CERS3: variants seen among roughly 807,000 people sequenced by gnomAD.
CERS3 encodes LAG1 homolog, ceramide synthase 3.
In CERS3, 33 loss-of-function variants were observed where a neutral mutation model predicts 50.3. The ratio of observed to expected loss-of-function variants is 0.66; its 90% CI spans 0.50 to 0.88. The LOEUF (loss-of-function observed/expected upper bound fraction) is 0.88. Among genes scored for constraint, CERS3 ranks in the 40% least tolerant of loss-of-function variants. The probability of loss-of-function intolerance (pLI) is 0.00; values close to 1 mark genes in which losing one functional copy is unlikely to be tolerated. For missense variants in CERS3, 470 were observed against 460.3 expected, an observed-to-expected ratio of 1.02 and a Z score of -0.19; for synonymous variants, 176 against 155.2, an observed-to-expected ratio of 1.13 and a Z score of -0.99.
chr15:100,406,311 A>T (rs946286219), intron 11 of CERS3, among the ~76,000 whole-genome samples: 7 of 152,222 alleles, frequency 4.6e-5, no homozygotes, highest in African/African-American at 1.7e-4. Flanking sequence ...TTCTTCTCAC[A>T]TCATTTTTCA....
chr15:100,514,508 T>G (rs1489806937), intron 2 of CERS3, among the ~76,000 whole-genome samples: 1 of 152,082 alleles, frequency 6.6e-6, no homozygotes, highest in Admixed American at 6.5e-5. Context: ...AACATAAAAC[T>G]GGACACAATT....
chr15:100,481,208 G>A (rs1351096601), intron 5 of CERS3, among the ~76,000 whole-genome samples: 4 of 152,276 alleles, frequency 2.6e-5, no homozygotes, highest in African/African-American at 9.6e-5. Context: ...CTAAGAAGGA[G>A]GAAAGCTGCA....
At chr15:100,417,673 A>G (rs1482168139) in intron 11 of CERS3, among the ~76,000 whole-genome samples, 4 of 152,002 alleles carry the variant, frequency 2.6e-5, no homozygotes, top group African/African-American at 9.7e-5. Context: ...GCAGACTTAA[A>G]TGTCCCTGTC....
At chr15:100,520,627 A>G (rs565629166) in intron 2 of CERS3, among the ~76,000 whole-genome samples, 71 of 152,316 alleles carry the variant, frequency 4.7e-4, no homozygotes, top group South Asian at 8.3e-4. Context: ...CTTCACTAAA[A>G]AGCAGGCTGG....
chr15:100,479,637 C>A lies in CERS3; in HGVS notation c.466-159G>T, dbSNP rs552532842. The A allele has an allele frequency of 1.1e-5, 7 of 610,046 alleles. No homozygotes were observed. The South Asian group carries it at 1.5e-4, about 13-fold the overall frequency. 37.8% of individuals were successfully genotyped at this position (610,046 alleles called of 1,614,324 possible). A position where few individuals can be genotyped will look rare whatever the true frequency, so the allele number is the denominator to read the frequency against. ...TTGCCATATTCTTTTGCTTCTATTGCACGTATTTCTCCCTCTGTAGACTAT... is the reference window on the plus strand; with the variant it reads ...TTGCCATATTCTTTTGCTTCTATTGAACGTATTTCTCCCTCTGTAGACTAT... On this transcript the variant is annotated intron_variant, in intron 6 of 11. Transcript: ENST00000679737.
At chr15:100,421,998 C>T (rs1385893098) in intron 11 of CERS3, among the ~76,000 whole-genome samples, 5 of 101,828 alleles carry the variant, frequency 4.9e-5, no homozygotes, top group Non-Finnish European at 1.0e-4. Context: ...AAAACCTAGG[C>T]ATTACCATTC....
At chr15:100,521,984 A>G (rs1355234312) in intron 1 of CERS3, among the ~76,000 whole-genome samples, 2 of 152,140 alleles carry the variant, frequency 1.3e-5, no homozygotes, top group Non-Finnish European at 2.9e-5. Flanking sequence ...CCAGATTTGC[A>G]GCTTCACTCA....
At chr15:100,438,985 G>C (rs1297100159) in intron 11 of CERS3, among the ~76,000 whole-genome samples, 1 of 152,196 alleles carries the variant, frequency 6.6e-6, no homozygotes, top group Admixed American at 6.5e-5. Flanking sequence ...TGTTAGCAAA[G>C]AAAATGACAA....
intron 5 of CERS3, among the ~76,000 whole-genome samples, chr15:100,482,771 G>A (rs1457051924): frequency 6.6e-6 from 1 of 152,034 alleles, no homozygotes; most frequent in Non-Finnish European, 1.5e-5. Flanking sequence ...CTGTTGGAAA[G>A]TAATTTTAGG....
chr15:100,511,453 C>T (rs1405645649), intron 2 of CERS3, among the ~76,000 whole-genome samples: 1 of 152,160 alleles, frequency 6.6e-6, no homozygotes, highest in Non-Finnish European at 1.5e-5. Flanking sequence ...CCATTGGGAG[C>T]CTGGGTTTCC....
At chr15:100,492,975 C>T (rs182053379) in intron 3 of CERS3, among the ~76,000 whole-genome samples, 9 of 152,226 alleles carry the variant, frequency 5.9e-5, no homozygotes, top group East Asian at 3.9e-4. Context: ...CTCCATTCCC[C>T]GTCCCCTTCT....
At chr15:100,510,454 A>C (rs1465666246) in intron 2 of CERS3, among the ~76,000 whole-genome samples, 1 of 152,242 alleles carries the variant, frequency 6.6e-6, no homozygotes, top group Non-Finnish European at 1.5e-5. Flanking sequence ...AAAATTCAGA[A>C]TATTTGTGAC....
intron 1 of CERS3, among the ~76,000 whole-genome samples, chr15:100,525,382 A>T (rs1290510663): frequency 6.6e-6 from 1 of 152,266 alleles, no homozygotes; most frequent in Admixed American, 6.5e-5. Context: ...AGTAGCAGGA[A>T]GATACTCACA....
chr15:100,405,327 A>G (rs1382148528), intron 11 of CERS3, among the ~76,000 whole-genome samples: 1 of 152,166 alleles, frequency 6.6e-6, no homozygotes, highest in Non-Finnish European at 1.5e-5. Context: ...CAGGATGACA[A>G]ATAAGCATAT....
At position 100,484,676 on chromosome 15, in the gene CERS3, G is replaced by C. The variant is rs565856630; in HGVS notation, c.289-8C>G. On this transcript the variant is annotated splice_polypyrimidine_tract_variant and splice_region_variant and intron_variant, in intron 4 of 11. Transcript: ENST00000679737. ...CAGTCCATAAATATCAGTCTGAAAA[G>C]GGATGAAACGCATAAATGAGTGATA... The C allele has an allele frequency of 6.4e-7, 1 of 1,568,754 alleles. No individual in the cohort carries two copies. Among genetic ancestry groups the C allele is most frequent in the African/African-American group, 1.4e-5 (1 of 74,068 alleles).
At chr15:100,528,223 C>A (rs1432535115) in intron 1 of CERS3, among the ~76,000 whole-genome samples, 2 of 152,186 alleles carry the variant, frequency 1.3e-5, no homozygotes, top group African/African-American at 4.8e-5. Context: ...AACCGAACAG[C>A]TAATTTCTCC....
At chr15:100,442,907 G>A (rs555399238) in intron 11 of CERS3, among the ~76,000 whole-genome samples, 2,813 of 142,302 alleles carry the variant, frequency 0.02, no homozygotes, top group African/African-American at 0.078. Context: ...ACAAAGGCCT[G>A]TTTCCCTTGC....
intron 11 of CERS3, among the ~76,000 whole-genome samples, chr15:100,444,743 C>T (rs910101937): frequency 2.0e-5 from 3 of 152,292 alleles, no homozygotes; most frequent in South Asian, 4.1e-4. Context: ...ACTCAACATG[C>T]CCTGAGTCAG....
chr15:100,455,344 G>C (rs1040603149), intron 11 of CERS3, among the ~76,000 whole-genome samples: 1 of 152,028 alleles, frequency 6.6e-6, no homozygotes, highest in African/African-American at 2.4e-5. Context: ...AAGAAAGGCT[G>C]CATAATAGGT....
Sources: allele counts gnomAD v4.1 joint callset (sites outside exome capture counted in the v4.1 genomes callset), GRCh38; gene constraint gnomAD v4.1.1; transcripts MANE v1.5; gene names NCBI Gene and HGNC (gene_info 2026-07-23, HGNC 2026-07-21).